SPATA6: variants seen among roughly 807,000 people sequenced by gnomAD.
The protein encoded by SPATA6 is spermatogenesis-associated protein 6.
In SPATA6, 56 loss-of-function variants were observed where a neutral mutation model predicts 65.3. The ratio of observed to expected loss-of-function variants is 0.86; its 90% CI spans 0.69 to 1.07. SPATA6 has a LOEUF of 1.07. Ranked by LOEUF, SPATA6 falls within the 50% of genes least tolerant of loss-of-function variation. The pLI is 0.00. For missense variants in SPATA6, 590 were observed against 594.8 expected (o/e 0.99, Z 0.08); for synonymous variants, 199 against 213.2 (o/e 0.93, Z 0.58).
At position 48,309,129 on chromosome 1, in the gene SPATA6, T is replaced by C. The variant is rs1336817692; in HGVS notation, c.1195-3251A>G. Among the ~76,000 whole-genome samples the C allele has an allele frequency of 2.0e-5, 3 of 152,144 alleles. No homozygotes were observed. The East Asian group carries it at 5.8e-4, about 29-fold the overall frequency. On this transcript the variant is annotated intron_variant, in intron 11 of 12. Coordinates refer to ENST00000371847, the MANE Select transcript of SPATA6 (RefSeq NM_019073.4). ...TGAGTTTATCCTACTTAAGAGTTTA[T>C]TGAGCTCCTTAGATAATAATTTTCT...
intron 3 of SPATA6, among the ~76,000 whole-genome samples, chr1:48,440,855 G>A (rs183621314): frequency 3.3e-5 from 5 of 152,196 alleles, no homozygotes; most frequent in African/African-American, 1.2e-4. Context: ...TATTAAACCT[G>A]GCAACCTTGG....
downstream of SPATA6, among the ~76,000 whole-genome samples, chr1:48,291,498 G>C (rs1557511639): frequency 6.6e-6 from 1 of 152,190 alleles, no homozygotes. Context: ...CAGGTCACCA[G>C]GGAAGTGGGG....
the SPATA6 span, among the ~76,000 whole-genome samples, chr1:48,276,262 T>A: frequency 1.3e-5 from 2 of 152,228 alleles, no homozygotes; most frequent in African/African-American, 4.8e-5. Context: ...CTTCTGTCTA[T>A]TTAGCTGATC....
Position 48,399,481 on chromosome 1 carries a change from GA to G in SPATA6, c.649del (p.Ser217LeufsTer24). The G allele has an allele frequency of 6.2e-7, 1 of 1,613,408 alleles. No homozygotes were observed. The highest frequency in any genetic ancestry group is 8.5e-7 in the Non-Finnish European group (1 of 1,179,542). On this transcript the variant is annotated frameshift_variant, in exon 7 of 13. Transcript: ENST00000371847. LOFTEE classifies it high-confidence loss of function. ...EQPTISSKSH[S>X]PSPYTKRRMC... ...GCGTCTTTTTGTGTAGGGAGATGGA[GA>G]GTGTGATTTTGAAGAAATTGTAGGC...
chr1:48,415,720 C>T (rs72895151), intron 3 of SPATA6, among the ~76,000 whole-genome samples: 3,483 of 147,834 alleles, frequency 0.024, 91 homozygotes, highest in African/African-American at 0.066. Flanking sequence ...GATGAGAATA[C>T]CAGAAAGAGA....
chr1:48,436,975 A>C (rs796472745), intron 3 of SPATA6: 25 of 1,611,596 alleles, frequency 1.6e-5, no homozygotes, highest in Non-Finnish European at 2.1e-5. Flanking sequence ...ATCCTCAAAA[A>C]CTTTCTCTCC....
rs1644816442 is a variant in SPATA6, at chr1:48,296,571, CAT to C, written c.*2140_*2141del. 1 of 152,146 alleles carries C rather than the reference CAT, an allele frequency of 6.6e-6. No individual in the cohort carries two copies. Among genetic ancestry groups the C allele is most frequent in the African/African-American group, 2.4e-5 (1 of 41,424 alleles). 9.4% of individuals were successfully genotyped at this position (152,146 alleles called of 1,614,324 possible). A position where few individuals can be genotyped will look rare whatever the true frequency, so the allele number is the denominator to read the frequency against. On this transcript the variant is annotated 3_prime_UTR_variant, in exon 13 of 13. Coordinates refer to ENST00000371847, the MANE Select transcript of SPATA6 (RefSeq NM_019073.4). ...ATAGTAAAACATTTTCTTTGAAAGT[CAT>C]GTTTGTTCTTTTCACCAAACAGCAA...
the SPATA6 span, among the ~76,000 whole-genome samples, chr1:48,282,399 C>A: frequency 6.6e-6 from 1 of 152,058 alleles, no homozygotes; most frequent in Non-Finnish European, 1.5e-5. Flanking sequence ...AAACAGGCAA[C>A]CTACAAAATG....
At chr1:48,385,213 T>G (rs942840858) in intron 9 of SPATA6, 96 bp downstream of exon 9, 2 of 1,068,672 alleles carry the variant, frequency 1.9e-6, no homozygotes, top group African/African-American at 1.7e-5. Flanking sequence ...CTAAATGAAT[T>G]TGATAATCCC....
chr1:48,337,052 CT>C (rs1202565615), intron 11 of SPATA6, among the ~76,000 whole-genome samples: 5 of 151,812 alleles, frequency 3.3e-5, no homozygotes, highest in Middle Eastern at 3.2e-3. Context: ...CCACTATTTC[CT>C]TTTTATGAGG....
chr1:48,362,008 C>T (rs72893246), intron 9 of SPATA6, among the ~76,000 whole-genome samples: 3,747 of 152,144 alleles, frequency 0.025, 97 homozygotes, highest in African/African-American at 0.067. Context: ...TAAAATTGCT[C>T]CATTTTTAGC....
In SPATA6 at chr1:48,354,856, T is replaced by C. The variant is rs960184570; in HGVS notation, c.1194+814A>G. ...CTGGTAGGTAGTTTACATGAGACTG[T>C]TAATTTTATAATTTCTCAAGCTGTT... On this transcript the variant is annotated intron_variant, in intron 11 of 12. Transcript: ENST00000371847. Among the ~76,000 whole-genome samples, 22 of 152,264 alleles carry C rather than the reference T, an allele frequency of 1.4e-4. No homozygotes were observed. In the East Asian group the frequency reaches 1.5e-3, roughly 11 times the overall value.
chr1:48,420,617 GTCT>G (rs1486124480), intron 3 of SPATA6, among the ~76,000 whole-genome samples: 1 of 152,152 alleles, frequency 6.6e-6, no homozygotes, highest in Non-Finnish European at 1.5e-5. Flanking sequence ...GGTCACAGAA[GTCT>G]TCTTCTGTGT....
intron 9 of SPATA6, among the ~76,000 whole-genome samples, chr1:48,381,716 T>G (rs994568906): frequency 8.0e-5 from 12 of 149,388 alleles, no homozygotes; most frequent in Non-Finnish European, 3.0e-5. Flanking sequence ...TTATTTATTT[T>G]TTATTGATCA....
chr1:48,300,441 A>G (rs531009961), intron 12 of SPATA6, among the ~76,000 whole-genome samples: 18 of 152,320 alleles, frequency 1.2e-4, no homozygotes, highest in African/African-American at 4.3e-4. Flanking sequence ...AAAGTCTCCT[A>G]TAAAAGAAAA....
intron 3 of SPATA6, among the ~76,000 whole-genome samples, chr1:48,430,384 T>C (rs1254725863): frequency 6.6e-6 from 1 of 152,028 alleles, no homozygotes. Flanking sequence ...AGCAAAACTC[T>C]CCTTCAAAAC....
chr1:48,294,460 T>C (rs914715991), downstream of SPATA6, among the ~76,000 whole-genome samples: 7 of 152,188 alleles, frequency 4.6e-5, no homozygotes, highest in Non-Finnish European at 1.0e-4. Context: ...TTAAATTACT[T>C]GAGGTCCAGC....
chr1:48,384,381 AGG>A (rs1557647681), intron 9 of SPATA6, among the ~76,000 whole-genome samples: 4 of 23,032 alleles, frequency 1.7e-4, no homozygotes, highest in Non-Finnish European at 2.8e-4. Flanking sequence ...GGAGAGGGAG[AGG>A]GAGAGGGAGA....
rs572075128 is a variant in SPATA6, at chr1:48,347,439, T to TA, written c.1194+8230dup. ...TAATGCATTATATATACACATATAA[T>TA]ATATATGTATATATAATGTATATAT... On this transcript the variant is annotated intron_variant, in intron 11 of 12. Transcript: ENST00000371847. 1.2e-3 allele frequency among the ~76,000 whole-genome samples: 176 copies of TA among 146,292 alleles called. 1 individual carries two copies. Among genetic ancestry groups the TA allele is most frequent in the Non-Finnish European group, 2.0e-3 (131 of 67,038 alleles).
Sources: gnomAD v4.1 joint callset for allele counts (sites outside exome capture counted in the v4.1 genomes callset) on GRCh38, gnomAD v4.1.1 for gene constraint, MANE v1.5 for transcripts, NCBI Gene and HGNC (gene_info 2026-07-23, HGNC 2026-07-21) for gene names.